KSR2: variants seen among roughly 807,000 people sequenced by gnomAD.
KSR2 encodes the protein kinase suppressor of ras 2.
A neutral mutation model predicts 107.8 loss-of-function variants in KSR2; 25 were observed. That is an observed-to-expected ratio of 0.23 (90% CI 0.17 to 0.32). The LOEUF (loss-of-function observed/expected upper bound fraction) is 0.32. Among genes scored for constraint, KSR2 ranks in the 10% least tolerant of loss-of-function variants. The probability of loss-of-function intolerance (pLI) is 1.00; values close to 1 mark genes in which losing one functional copy is unlikely to be tolerated. For missense variants in KSR2, 887 were observed against 1,268.9 expected (o/e 0.70, Z 4.57); for synonymous variants, 480 against 507.0 (o/e 0.95, Z 0.71).
chr12:117,544,749 A>G (rs77388855), intron 9 of KSR2, among the ~76,000 whole-genome samples: 2,692 of 152,186 alleles, frequency 0.018, 78 homozygotes, highest in African/African-American at 0.062. Context: ...TTTCTTTGGG[A>G]TTCTCTACAT....
At chr12:117,908,522 T>G (rs1055645269) in intron 1 of KSR2, among the ~76,000 whole-genome samples, 4 of 152,322 alleles carry the variant, frequency 2.6e-5, no homozygotes, top group African/African-American at 9.6e-5. Flanking sequence ...GTTACATATC[T>G]CTGTGACACA....
intron 5 of KSR2, among the ~76,000 whole-genome samples, chr12:117,616,634 C>T (rs893390716): frequency 6.6e-6 from 1 of 152,208 alleles, no homozygotes; most frequent in Non-Finnish European, 1.5e-5. Flanking sequence ...CTCTGCATTG[C>T]CAGCTCAGCT....
chr12:117,511,158 A>G (rs1024686423), intron 14 of KSR2, among the ~76,000 whole-genome samples: 32 of 152,244 alleles, frequency 2.1e-4, no homozygotes, highest in African/African-American at 7.5e-4. Flanking sequence ...CAGAACAACT[A>G]GCAAACCAAG....
At chr12:117,598,744 A>G (rs1057420541) in intron 5 of KSR2, among the ~76,000 whole-genome samples, 2 of 151,920 alleles carry the variant, frequency 1.3e-5, no homozygotes, top group African/African-American at 4.8e-5. Context: ...TCATATGTAT[A>G]TCTTATTTTG....
rs1888992346 is a variant in KSR2 at position 117,761,122 on chromosome 12, G to A, written c.875C>T (p.Pro292Leu). ...KNKLKPPGTP[P>L]PSSRKLIHLI... The stretch of plus-strand genomic sequence containing the variant: ...GTGTATCAGTTTTCGGGAGGAGGGC[G>A]GTGGGGTCCCCGGGGGCTTCAGCTT... The change falls in exon 4 of 20, where the codon CCG becomes CTG. Residue 292 changes from proline (P) to leucine (L), a missense_variant. By Grantham distance (98) the Pro-to-Leu change is moderately conservative (BLOSUM62 -3). Around this residue, in one of 8 missense-constraint regions of KSR2, gnomAD observed 399 missense variants for 479.5 expected, o/e 0.83. Transcript: ENST00000339824. 1.9e-6 allele frequency: 3 copies of A among 1,613,330 alleles called. No homozygotes were observed. Among genetic ancestry groups the A allele is most frequent in the Non-Finnish European group, 2.5e-6 (3 of 1,179,514 alleles).
intron 11 of KSR2, among the ~76,000 whole-genome samples, chr12:117,531,359 C>T (rs906291700): frequency 1.3e-5 from 2 of 152,194 alleles, no homozygotes; most frequent in African/African-American, 4.8e-5. Flanking sequence ...CAGTACCCAG[C>T]TCAGGACCCT....
intron 1 of KSR2, among the ~76,000 whole-genome samples, chr12:117,934,211 T>C (rs577173913): frequency 6.2e-4 from 94 of 152,296 alleles, no homozygotes; most frequent in Non-Finnish European, 1.1e-3. Context: ...CAGCTTTTGT[T>C]TGGAGAACAT....
chr12:117,742,256 G>A (rs555823816), intron 4 of KSR2, among the ~76,000 whole-genome samples: 2 of 152,342 alleles, frequency 1.3e-5, no homozygotes, highest in African/African-American at 4.8e-5. Flanking sequence ...ATTGCATGAT[G>A]CGGATTTTTC....
At chr12:117,772,315 CACAA>C (rs375454546) in intron 3 of KSR2, among the ~76,000 whole-genome samples, 13 of 139,254 alleles carry the variant, frequency 9.3e-5, no homozygotes, top group South Asian at 4.9e-4. Context: ...CCCAAAGACG[CACAA>C]ACACACACTC....
chr12:117,460,375 C>T lies in KSR2; in HGVS notation c.*6824G>A, dbSNP rs2137093967. The T allele has an allele frequency of 6.6e-6, 1 of 152,320 alleles. No individual in the cohort carries two copies. The highest frequency in any genetic ancestry group is 1.9e-4 in the East Asian group (1 of 5,176). 9.4% of individuals were successfully genotyped at this position (152,320 alleles called of 1,614,324 possible). Reference sequence around the variant, plus strand: ...GAAGAGCACTCACTGATGTACGCCTCTCAGGAACACGGGACCACAGTGCAA... The same window carrying T: ...GAAGAGCACTCACTGATGTACGCCTTTCAGGAACACGGGACCACAGTGCAA... On this transcript the variant is annotated 3_prime_UTR_variant, in exon 20 of 20. Coordinates refer to ENST00000339824, the MANE Select transcript of KSR2 (RefSeq NM_173598.6).
At chr12:117,597,477 G>T (rs191307405) in intron 5 of KSR2, among the ~76,000 whole-genome samples, 1 of 152,148 alleles carries the variant, frequency 6.6e-6, no homozygotes, top group Non-Finnish European at 1.5e-5. Flanking sequence ...AGGAGCAAAG[G>T]AAGAAGAGGG....
Position 117,968,376 on chromosome 12 carries a change from A to C in KSR2, c.-121T>G. ...TGCGACTTCTCAACAATGTCTCATG[A>C]AGAAGAAATCCAACATCTCACACAG... is the stretch of plus-strand genomic sequence containing the variant. On this transcript the variant is annotated 5_prime_UTR_variant, in exon 1 of 20. Transcript: ENST00000339824. The C allele has an allele frequency of 7.2e-7, 1 of 1,387,282 alleles. No homozygotes were observed. The highest frequency in any genetic ancestry group is 9.3e-7 in the Non-Finnish European group (1 of 1,077,866). The allele number at this position is 1,387,282 out of a possible 1,614,324, so 85.9% of individuals were successfully genotyped here.
intron 3 of KSR2, among the ~76,000 whole-genome samples, chr12:117,807,044 G>A (rs543132058): frequency 5.3e-5 from 8 of 152,262 alleles, no homozygotes; most frequent in African/African-American, 1.9e-4. Context: ...CCCGCTCAGC[G>A]TCAGCTGGAG....
chr12:117,757,019 C>G (rs915858532), intron 4 of KSR2, among the ~76,000 whole-genome samples: 2 of 148,642 alleles, frequency 1.3e-5, no homozygotes, highest in African/African-American at 5.0e-5. Context: ...TGCTCCATTG[C>G]ACTCTAGCCT....
At chr12:117,533,900 C>T (rs117134531) in intron 10 of KSR2, among the ~76,000 whole-genome samples, 4 of 152,304 alleles carry the variant, frequency 2.6e-5, no homozygotes, top group East Asian at 1.9e-4. Context: ...TGGAACAACT[C>T]GTTCCTGGTG....
chr12:117,754,931 C>A (rs1455462762), intron 4 of KSR2, among the ~76,000 whole-genome samples: 10 of 152,248 alleles, frequency 6.6e-5, no homozygotes, highest in Non-Finnish European at 1.5e-4. Flanking sequence ...AGATCTGTGA[C>A]TGTTGAAACT....
chr12:117,965,877 T>C (rs1384480207), intron 1 of KSR2, among the ~76,000 whole-genome samples: 2 of 152,226 alleles, frequency 1.3e-5, no homozygotes. Flanking sequence ...GACCCAAATG[T>C]TAGCGTTGGC....
chr12:117,563,576 C>G (rs1455140744), intron 7 of KSR2, among the ~76,000 whole-genome samples: 2 of 152,072 alleles, frequency 1.3e-5, no homozygotes, highest in Non-Finnish European at 2.9e-5. Context: ...ATTTGGCACA[C>G]AGTAGAATCT....
chr12:117,466,131 A>G lies in KSR2; in HGVS notation c.*1068T>C, dbSNP rs997039794. ...CCTCCCTTTGTGCTCCCCCAACAGG[A>G]CTCCTCAAGGGTGACAGGCAGGGAA... is the stretch of plus-strand genomic sequence containing the variant. On this transcript the variant is annotated 3_prime_UTR_variant, in exon 20 of 20. Coordinates refer to ENST00000339824, the MANE Select transcript of KSR2 (RefSeq NM_173598.6). 6.6e-6 allele frequency: 1 copy of G among 152,154 alleles called. No individual in the cohort carries two copies. Among genetic ancestry groups the G allele is most frequent in the Non-Finnish European group, 1.5e-5 (1 of 68,048 alleles). The allele number at this position is 152,154 out of a possible 1,614,324, so 9.4% of individuals were successfully genotyped here.
Sources: gnomAD v4.1 joint callset for allele counts (sites outside exome capture counted in the v4.1 genomes callset) on GRCh38, gnomAD v4.1.1 for gene constraint, gnomAD v4.1.1 regional missense constraint, MANE v1.5 for transcripts, NCBI Gene and HGNC (gene_info 2026-07-23, HGNC 2026-07-21) for gene names.